RAD51B: variants seen among roughly 807,000 people sequenced by gnomAD.
The protein encoded by RAD51B is RAD51 paralog B, also known as DNA repair protein RAD51 homolog 2.
In RAD51B, 38 loss-of-function variants were observed where a neutral mutation model predicts 42.2. The observed-to-expected ratio is 0.90, with a 90% CI of 0.70 to 1.18. RAD51B has a LOEUF of 1.18. Ranked by LOEUF, RAD51B falls within the 50% of genes most tolerant of loss-of-function variation. The probability of loss-of-function intolerance (pLI) is 0.00; values close to 1 mark genes in which losing one functional copy is unlikely to be tolerated. For synonymous variants in RAD51B, 154 were observed against 145.2 expected (o/e 1.06, Z -0.43); for missense variants, 373 against 400.7 (o/e 0.93, Z 0.59).
In RAD51B at chr14:68,229,798, C is replaced by T. The variant is rs34876392; in HGVS notation, c.757-62086C>T. 5.0e-4 allele frequency among the ~76,000 whole-genome samples: 76 copies of T among 152,280 alleles called. 1 individual carries two copies. Among genetic ancestry groups the T allele is most frequent in the Middle Eastern group, 3.4e-3 (1 of 294 alleles). On this transcript the variant is annotated intron_variant, in intron 7 of 10. Coordinates refer to ENST00000471583, the MANE Select transcript of RAD51B (RefSeq NM_133510.4). ...AAGATCCTGGCTCTAGTTTGGGATT[C>T]GTCATGTCTTTTTAGTTAGGCAAGC...
chr14:67,959,849 A>G (rs4902539), intron 7 of RAD51B, among the ~76,000 whole-genome samples: 41,851 of 151,928 alleles, frequency 0.28, 7,529 homozygotes, highest in African/African-American at 0.51. Context: ...GGAGGCCAAG[A>G]CAGGTGGATC....
At chr14:68,489,541 G>A (rs1307208478) in intron 10 of RAD51B, among the ~76,000 whole-genome samples, 1 of 152,168 alleles carries the variant, frequency 6.6e-6, no homozygotes, top group African/African-American at 2.4e-5. Flanking sequence ...TGTAAAATGG[G>A]GGAAACCCAC....
chr14:68,368,489 G>T (rs958701712), intron 8 of RAD51B, among the ~76,000 whole-genome samples: 2 of 152,180 alleles, frequency 1.3e-5, no homozygotes, highest in African/African-American at 4.8e-5. Flanking sequence ...CATTCTTTCT[G>T]CACAGGTTTT....
rs1246541336 is a variant in RAD51B at position 67,978,073 on chromosome 14, G to A, written c.756+90869G>A. Reference sequence around the variant, plus strand: ...GGAGTATTTGACTTTTCCTTATAGCGATCTCAGATTTCATTAAGTTTGTGT... The same window carrying A: ...GGAGTATTTGACTTTTCCTTATAGCAATCTCAGATTTCATTAAGTTTGTGT... On this transcript the variant is annotated intron_variant, in intron 7 of 10. Coordinates refer to ENST00000471583, the MANE Select transcript of RAD51B (RefSeq NM_133510.4). Among the ~76,000 whole-genome samples, 7 of 152,148 alleles carry A rather than the reference G, an allele frequency of 4.6e-5. No individual in the cohort carries two copies. In the South Asian group the frequency reaches 6.2e-4, roughly 14 times the overall value.
At chr14:67,904,794 C>T (rs2140100009) in intron 7 of RAD51B, among the ~76,000 whole-genome samples, 2 of 151,892 alleles carry the variant, frequency 1.3e-5, no homozygotes, top group Middle Eastern at 6.8e-3. Flanking sequence ...TCCTCAAATT[C>T]TCTATAGATT....
intron 8 of RAD51B, among the ~76,000 whole-genome samples, chr14:68,370,025 T>C (rs78367143): frequency 0.011 from 1,681 of 152,290 alleles, 29 homozygotes; most frequent in African/African-American, 0.039. Context: ...AAGTTAAATA[T>C]ATAGCAGGAG....
At chr14:67,983,062 T>A (rs1052219597) in intron 7 of RAD51B, among the ~76,000 whole-genome samples, 2 of 152,134 alleles carry the variant, frequency 1.3e-5, no homozygotes, top group Non-Finnish European at 1.5e-5. Flanking sequence ...AAAGACCCTG[T>A]CTCTTAATCT....
At chr14:68,393,324 C>G (rs2083814233) in intron 8 of RAD51B, among the ~76,000 whole-genome samples, 2 of 152,196 alleles carry the variant, frequency 1.3e-5, no homozygotes, top group Non-Finnish European at 2.9e-5. Flanking sequence ...AGTGCACCGT[C>G]AAACTAGGAA....
chr14:67,938,414 G>A (rs759019718), intron 7 of RAD51B, among the ~76,000 whole-genome samples: 2 of 152,174 alleles, frequency 1.3e-5, no homozygotes, highest in Non-Finnish European at 1.5e-5. Flanking sequence ...ACTTAATTTC[G>A]ATTTTGAAGT....
intron 7 of RAD51B, among the ~76,000 whole-genome samples, chr14:67,947,837 C>A (rs1225638824): frequency 1.3e-5 from 2 of 152,198 alleles, no homozygotes; most frequent in African/African-American, 4.8e-5. Context: ...ATGGAAAAAT[C>A]TGCAGCCTAA....
At chr14:67,999,251 C>T (rs1478509243) in intron 7 of RAD51B, among the ~76,000 whole-genome samples, 1 of 152,042 alleles carries the variant, frequency 6.6e-6, no homozygotes, top group Non-Finnish European at 1.5e-5. Context: ...TCTGTTATAG[C>T]TGGAAGTCCA....
intron 7 of RAD51B, among the ~76,000 whole-genome samples, chr14:68,034,045 C>T (rs1415154553): frequency 1.3e-5 from 2 of 151,912 alleles, no homozygotes; most frequent in African/African-American, 4.8e-5. Flanking sequence ...TTTTCCTTGC[C>T]CTTCTTAGGT....
intron 7 of RAD51B, among the ~76,000 whole-genome samples, chr14:68,238,432 C>T (rs1035532581): frequency 6.6e-6 from 1 of 152,142 alleles, no homozygotes; most frequent in Admixed American, 6.5e-5. Context: ...TCCCAAGTAG[C>T]TAGTACTACA....
intron 11 of RAD51B, among the ~76,000 whole-genome samples, chr14:68,656,435 CTG>C (rs111424496): frequency 0.2 from 31,096 of 152,040 alleles, 3,381 homozygotes; most frequent in Middle Eastern, 0.23. Flanking sequence ...AATGGGGTAA[CTG>C]AGGACTGAGG....
At chr14:68,091,061 A>G (rs1202010963) in intron 7 of RAD51B, among the ~76,000 whole-genome samples, 6 of 152,122 alleles carry the variant, frequency 3.9e-5, no homozygotes, top group African/African-American at 1.4e-4. Context: ...ATAGTATTCC[A>G]TGGCGTATAT....
intron 7 of RAD51B, among the ~76,000 whole-genome samples, chr14:67,935,428 G>C (rs576311870): frequency 6.6e-6 from 1 of 152,098 alleles, no homozygotes; most frequent in Admixed American, 6.5e-5. Flanking sequence ...TCAATGGCTC[G>C]ATTATAGCTC....
intron 7 of RAD51B, among the ~76,000 whole-genome samples, chr14:68,072,108 TAAA>T (rs953035015): frequency 8.4e-6 from 1 of 118,966 alleles, no homozygotes; most frequent in Non-Finnish European, 1.7e-5. Context: ...ATATAAAATA[TAAA>T]AAATATATAA....
chr14:68,561,537 G>A (rs1276561260), intron 10 of RAD51B, among the ~76,000 whole-genome samples: 3 of 152,236 alleles, frequency 2.0e-5, no homozygotes, highest in African/African-American at 7.2e-5. Flanking sequence ...TGAGGATTCA[G>A]GCTGAGGTAT....
intron 7 of RAD51B, among the ~76,000 whole-genome samples, chr14:68,277,887 C>T (rs929337140): frequency 1.1e-4 from 17 of 152,116 alleles, no homozygotes; most frequent in African/African-American, 3.1e-4. Context: ...GGACTATAGG[C>T]GCGTGCCACC....
Sources: allele counts gnomAD v4.1 joint callset (sites outside exome capture counted in the v4.1 genomes callset), GRCh38; gene constraint gnomAD v4.1.1; transcripts MANE v1.5; gene names NCBI Gene and HGNC (gene_info 2026-07-23, HGNC 2026-07-21).